The following SLC30A6 variants were observed in gnomAD, a reference collection of about 807,000 sequenced individuals.
SLC30A6 encodes zinc transporter 6.
A neutral mutation model predicts 63.0 loss-of-function variants in SLC30A6; 55 were observed. The observed-to-expected ratio is 0.87, with a 90% CI of 0.70 to 1.09. SLC30A6 has a LOEUF of 1.09. Among genes scored for constraint, SLC30A6 ranks in the 50% least tolerant of loss-of-function variants. The pLI is 0.00. For missense variants in SLC30A6, 587 were observed against 549.2 expected, an observed-to-expected ratio of 1.07 and a Z score of -0.69; for synonymous variants, 224 against 186.1, an observed-to-expected ratio of 1.20 and a Z score of -1.66.
chr2:32,171,665 C>G (rs1371754675), intron 2 of SLC30A6, among the ~76,000 whole-genome samples: 2 of 150,758 alleles, frequency 1.3e-5, no homozygotes, highest in Non-Finnish European at 2.9e-5. Context: ...TTAAATGGAT[C>G]CAGTCTAAAG....
rs1383495384 is a variant in SLC30A6 at position 32,213,807 on chromosome 2, T to TA, written c.885+4246_885+4247insA. On this transcript the variant is annotated intron_variant, in intron 13 of 13. Coordinates refer to ENST00000282587, the MANE Select transcript of SLC30A6 (RefSeq NM_017964.5). Reference sequence around the variant, plus strand: ...AGGTCTAGGATAAACTTTTTTTTTTTTTTGTTTTTGTTTTGAGACGGAGTC... The same window carrying TA: ...AGGTCTAGGATAAACTTTTTTTTTTTATTTGTTTTTGTTTTGAGACGGAGTC... Among the ~76,000 whole-genome samples the TA allele has an allele frequency of 4.7e-5, 6 of 127,104 alleles. 1 individual carries two copies. Among genetic ancestry groups the TA allele is most frequent in the Non-Finnish European group, 8.3e-5 (5 of 60,134 alleles). 83.4% of individuals were successfully genotyped at this position (127,104 alleles called of 152,430 possible).
intron 10 of SLC30A6, among the ~76,000 whole-genome samples, chr2:32,200,168 C>T (rs928530496): frequency 6.6e-6 from 1 of 152,002 alleles, no homozygotes; most frequent in African/African-American, 2.4e-5. Flanking sequence ...TTCCCATTCT[C>T]ATTGCTGCTG....
At chr2:32,209,736 T>C (rs535348849) in intron 13 of SLC30A6, among the ~76,000 whole-genome samples, 175 bp downstream of exon 13, 1 of 149,226 alleles carries the variant, frequency 6.7e-6, no homozygotes, top group East Asian at 1.9e-4. Context: ...TTTTGGTGTT[T>C]AGAGACAGGG....
chr2:32,207,794 GA>G (rs910536179), intron 12 of SLC30A6, among the ~76,000 whole-genome samples: 2 of 141,798 alleles, frequency 1.4e-5, no homozygotes, highest in African/African-American at 5.3e-5. Flanking sequence ...TCCGCCTCCT[GA>G]GTTCAAGTGA....
rs770688092 is a variant in SLC30A6 at position 32,220,393 on chromosome 2, C to T, written c.1066C>T (p.His356Tyr). ...VAANVLNFSD[H>Y]HVIPMPLLKG... ...AGCCAATGTCCTAAACTTTTCAGAT[C>T]ATCACGTAATCCCAATGCCTCTTTT... Residue 356 changes from histidine (H) to tyrosine (Y), a missense_variant, in exon 14 of 14, where the codon CAT becomes TAT. His to Tyr is a moderately conservative substitution (Grantham distance 83). Coordinates refer to ENST00000282587, the MANE Select transcript of SLC30A6 (RefSeq NM_017964.5). The T allele has an allele frequency of 1.3e-5, 21 of 1,614,080 alleles. No individual in the cohort carries two copies. The highest frequency in any genetic ancestry group is 1.8e-5 in the Non-Finnish European group (21 of 1,180,042).
intron 13 of SLC30A6, among the ~76,000 whole-genome samples, chr2:32,218,552 TTTGTTTTG>T (rs1299586338): frequency 2.0e-5 from 3 of 151,360 alleles, no homozygotes; most frequent in Non-Finnish European, 4.4e-5. Flanking sequence ...TTTGTTTTGT[TTTGTTTTG>T]TTTTGTTTTG....
At chr2:32,166,594 TTAAAGA>T (rs1323024329) in intron 1 of SLC30A6, among the ~76,000 whole-genome samples, 1 of 152,268 alleles carries the variant, frequency 6.6e-6, no homozygotes, top group Non-Finnish European at 1.5e-5. Context: ...GCTCTGAACT[TTAAAGA>T]TAAGCAGTTG....
chr2:32,189,454 AT>A (rs570736043), intron 5 of SLC30A6, among the ~76,000 whole-genome samples: 1 of 150,318 alleles, frequency 6.7e-6, no homozygotes, highest in Non-Finnish European at 1.5e-5. Context: ...AACATGCCTA[AT>A]TTTTTTTATT....
intron 11 of SLC30A6, among the ~76,000 whole-genome samples, chr2:32,205,334 T>C (rs1684661348): frequency 6.6e-6 from 1 of 152,118 alleles, no homozygotes; most frequent in South Asian, 2.1e-4. Flanking sequence ...GGCAGGAGAA[T>C]TGCCTGAACC....
chr2:32,174,548 ATTTTTTTTTTTT>A (rs11432136), intron 3 of SLC30A6, among the ~76,000 whole-genome samples: 3 of 92,302 alleles, frequency 3.3e-5, no homozygotes, highest in South Asian at 4.0e-4. Context: ...CTATCTGGAG[ATTTTTTTTTTTT>A]TTTTTTTTTT....
chr2:32,166,044 T>C, intron 1 of SLC30A6, 141 bp downstream of exon 1: 1 of 1,250,582 alleles, frequency 8.0e-7, no homozygotes, highest in Non-Finnish European at 1.2e-6. Context: ...CAGGAGCGGC[T>C]GTCTCCCAAA....
rs150864388 is a variant in SLC30A6 at position 32,165,864 on chromosome 2, A to T, written c.-37A>T. 2.0e-5 allele frequency: 32 copies of T among 1,614,004 alleles called. No homozygotes were observed. In the African/African-American group the frequency reaches 3.9e-4, roughly 19 times the overall value. On this transcript the variant is annotated 5_prime_UTR_variant, in exon 1 of 14. Transcript: ENST00000282587. ...CCGTTCTGGGAAAACTCGAGCACCCAGAACGGCTTCCGGCGGGAGCTGTGC... is the reference window on the plus strand; with the variant it reads ...CCGTTCTGGGAAAACTCGAGCACCCTGAACGGCTTCCGGCGGGAGCTGTGC...
At position 32,165,876 on chromosome 2, in the gene SLC30A6, G is replaced by A. The variant is rs753913942; in HGVS notation, c.-25G>A. On this transcript the variant is annotated 5_prime_UTR_variant, in exon 1 of 14. Transcript: ENST00000282587. Reference sequence around the variant, plus strand: ...AACTCGAGCACCCAGAACGGCTTCCGGCGGGAGCTGTGCAGCTCCTTATCA... The same window carrying A: ...AACTCGAGCACCCAGAACGGCTTCCAGCGGGAGCTGTGCAGCTCCTTATCA... The A allele has an allele frequency of 1.7e-5, 27 of 1,613,988 alleles. No homozygotes were observed. Among genetic ancestry groups the A allele is most frequent in the South Asian group, 7.7e-5 (7 of 91,072 alleles).
rs1044079223 is a variant in SLC30A6 at position 32,224,299 on chromosome 2, C to T, written c.*3586C>T. The T allele has an allele frequency of 2.1e-5, 11 of 535,780 alleles. No homozygotes were observed. Among genetic ancestry groups the T allele is most frequent in the Non-Finnish European group, 3.2e-5 (10 of 308,784 alleles). 33.2% of individuals were successfully genotyped at this position (535,780 alleles called of 1,614,324 possible). ...ATGAATGAGAATTCCTTCAAGGCGC[C>T]GATAATCCTAGTAGGAGAGCTAAGA... On this transcript the variant is annotated 3_prime_UTR_variant, in exon 14 of 14. Transcript: ENST00000282587.
intron 13 of SLC30A6, among the ~76,000 whole-genome samples, chr2:32,217,869 G>T (rs988568343): frequency 1.9e-4 from 29 of 150,778 alleles, no homozygotes; most frequent in African/African-American, 7.1e-4. Context: ...TTGATACAAG[G>T]TCTCTCTTTG....
chr2:32,217,392 A>G (rs1377489657), intron 13 of SLC30A6, among the ~76,000 whole-genome samples: 10 of 151,840 alleles, frequency 6.6e-5, no homozygotes, highest in Admixed American at 6.6e-4. Context: ...ATGTGGCTTT[A>G]TTTCTGGGTT....
chr2:32,202,532 C>T (rs1260251834), intron 10 of SLC30A6: 2 of 302,854 alleles, frequency 6.6e-6, no homozygotes, highest in Non-Finnish European at 1.3e-5. Context: ...GGGATTTCAC[C>T]GTGTTAGCCA....
chr2:32,166,648 GAA>G (rs1366834575), intron 1 of SLC30A6, among the ~76,000 whole-genome samples: 1 of 152,194 alleles, frequency 6.6e-6, no homozygotes, highest in Non-Finnish European at 1.5e-5. Context: ...TGTGCCTTTT[GAA>G]AATGCATTTA....
chr2:32,174,192 AT>A, intron 3 of SLC30A6, 45 bp downstream of exon 3: 1 of 1,406,052 alleles, frequency 7.1e-7, no homozygotes, highest in Non-Finnish European at 1.0e-6. Context: ...TTTTACTTTT[AT>A]TTTTCTCATT....
Sources: allele counts gnomAD v4.1 joint callset (sites outside exome capture counted in the v4.1 genomes callset), GRCh38; gene constraint gnomAD v4.1.1; transcripts MANE v1.5; gene names NCBI Gene and HGNC (gene_info 2026-07-23, HGNC 2026-07-21).